KANSL1: variants seen among roughly 807,000 people sequenced by gnomAD.
KANSL1 encodes MLL1/MLL complex subunit KANSL1.
In KANSL1, 22 loss-of-function variants were observed where a neutral mutation model predicts 103.6. The ratio of observed to expected loss-of-function variants is 0.21; its 90% confidence interval spans 0.15 to 0.30. The LOEUF (loss-of-function observed/expected upper bound fraction) is 0.30. Among genes scored for constraint, KANSL1 ranks in the 10% least tolerant of loss-of-function variants. The pLI is 1.00. For missense variants in KANSL1, 1,337 were observed against 1,399.8 expected (o/e 0.96, Z 0.72); for synonymous variants, 600 against 527.6 (o/e 1.14, Z -1.88).
chr17:46,071,182 T>C (rs563049896), intron 4 of KANSL1, among the ~76,000 whole-genome samples: 9 of 152,178 alleles, frequency 5.9e-5, no homozygotes, highest in Non-Finnish European at 1.0e-4. Context: ...CAAATCAAAA[T>C]TGAAGTCAAC....
chr17:46,038,772 A>C, intron 9 of KANSL1, 86 bp from the exon 10 acceptor site: 1 of 1,533,644 alleles, frequency 6.5e-7, no homozygotes, highest in Non-Finnish European at 8.9e-7. Flanking sequence ...GCAGCAATAC[A>C]TACTAAAGGC....
chr17:46,043,870 A>G (rs768665549), intron 7 of KANSL1: 3 of 152,154 alleles, frequency 2.0e-5, no homozygotes, highest in African/African-American at 4.8e-5. Context: ...TCCTCTTTAA[A>G]CCCAGTATAA....
intron 2 of KANSL1, among the ~76,000 whole-genome samples, chr17:46,106,297 G>T (rs2042563414): frequency 6.6e-6 from 1 of 152,214 alleles, no homozygotes; most frequent in Non-Finnish European, 1.5e-5. Context: ...ACTTTAGTAA[G>T]TCTAAGAATT....
chr17:46,123,045 T>C (rs2043353358), intron 2 of KANSL1, among the ~76,000 whole-genome samples: 1 of 152,248 alleles, frequency 6.6e-6, no homozygotes, highest in Non-Finnish European at 1.5e-5. Context: ...AAATAGACAC[T>C]TGCGGATGTT....
chr17:46,043,247 G>T (rs767312358), intron 7 of KANSL1: 1 of 151,484 alleles, frequency 6.6e-6, no homozygotes, highest in African/African-American at 2.4e-5. Flanking sequence ...AAAAAACATA[G>T]ATTTTATTTT....
At chr17:46,052,571 C>T (rs1340617307) in intron 6 of KANSL1, among the ~76,000 whole-genome samples, 1 of 151,922 alleles carries the variant, frequency 6.6e-6, no homozygotes, top group African/African-American at 2.4e-5. Flanking sequence ...CACCACTGCA[C>T]TCCAGCCTGG....
rs1392343249 is a variant in KANSL1, at chr17:46,091,766, AG to A, written c.1431+2793del. Among the ~76,000 whole-genome samples the A allele has an allele frequency of 4.2e-5, 6 of 144,332 alleles. No homozygotes were observed. In the East Asian group the frequency reaches 7.7e-4, roughly 19 times the overall value. 94.7% of individuals were successfully genotyped at this position (144,332 alleles called of 152,430 possible). A position where few individuals can be genotyped will look rare whatever the true frequency, so the allele number is the denominator to read the frequency against. ...ATACCATATTGTCTAAGTGAATAGCAGGCCATACCACCTCAGCTTGTATGTA... is the reference window on the plus strand; with the variant it reads ...ATACCATATTGTCTAAGTGAATAGCAGCCATACCACCTCAGCTTGTATGTA... On this transcript the variant is annotated intron_variant, in intron 3 of 14. Coordinates refer to ENST00000432791, the MANE Select transcript of KANSL1 (RefSeq NM_015443.4).
At position 46,202,972 on chromosome 17, in the gene KANSL1, C is replaced by A. The variant is rs12600368; in HGVS notation, c.-90+20699G>T. Reference sequence around the variant, plus strand: ...TCAGGCCAGACGTGGTGGCTCACATCTCTAATACTAGCACTTTGGGAGGCC... The same window carrying A: ...TCAGGCCAGACGTGGTGGCTCACATATCTAATACTAGCACTTTGGGAGGCC... On this transcript the variant is annotated intron_variant, in intron 1 of 14. Transcript: ENST00000572904. Among the ~76,000 whole-genome samples the A allele has an allele frequency of 3.3e-5, 5 of 152,364 alleles. No homozygotes were observed. In the East Asian group the frequency reaches 7.7e-4, roughly 23 times the overall value.
At chr17:46,083,517 C>T (rs1467418939) in intron 3 of KANSL1, among the ~76,000 whole-genome samples, 1 of 152,042 alleles carries the variant, frequency 6.6e-6, no homozygotes, top group East Asian at 1.9e-4. Context: ...GGTAGTCTAC[C>T]TTTTTATGGG....
At chr17:46,220,328 T>C (rs1288274918) in intron 1 of KANSL1, among the ~76,000 whole-genome samples, 2 of 151,764 alleles carry the variant, frequency 1.3e-5, no homozygotes, top group Admixed American at 1.3e-4. Flanking sequence ...GCCATTCTCC[T>C]GCCTCAGCCT....
chr17:46,061,108 A>C (rs2078142976), intron 6 of KANSL1, among the ~76,000 whole-genome samples: 1 of 152,228 alleles, frequency 6.6e-6, no homozygotes, highest in Admixed American at 6.5e-5. Context: ...AAAAAAACCC[A>C]GCCTTTTCAA....
chr17:46,115,671 A>G (rs1218851491), intron 2 of KANSL1, among the ~76,000 whole-genome samples: 4 of 152,244 alleles, frequency 2.6e-5, no homozygotes, highest in Admixed American at 2.6e-4. Flanking sequence ...TATTTATAGG[A>G]TACTTTGACT....
At chr17:46,122,157 T>C (rs564875303) in intron 2 of KANSL1, among the ~76,000 whole-genome samples, 2 of 152,300 alleles carry the variant, frequency 1.3e-5, no homozygotes, top group East Asian at 3.9e-4. Flanking sequence ...TCTAAAAAAA[T>C]AAAGCCCCAA....
chr17:46,141,461 G>A (rs1212751374), intron 2 of KANSL1, among the ~76,000 whole-genome samples: 9 of 152,152 alleles, frequency 5.9e-5, no homozygotes, highest in Non-Finnish European at 8.8e-5. Flanking sequence ...GCTGCTTAAG[G>A]GTCTAAGACA....
chr17:46,172,114 G>C lies in KANSL1; in HGVS notation c.30C>G (p.Asp10Glu). Residue 10 changes from aspartate to glutamate, a missense_variant, in exon 2 of 15, where the codon GAC (aspartate) becomes GAG (glutamate). Physicochemically the swap from Asp to Glu is conservative, Grantham distance 45. Around this residue, in one of 2 missense-constraint regions of KANSL1, gnomAD observed 557 missense variants for 476.4 expected, o/e 1.17. Transcript: ENST00000432791. ...GGATATGGTGTGCTTCAGCTGCTGC[G>C]TCAGTGAGAGCGGGCGCCATCGCAG... is the stretch of plus-strand genomic sequence containing the variant. Reference protein sequence around the residue: MAAMAPALTDAAAEAHHIRF... With the variant: MAAMAPALTEAAAEAHHIRF... 1 of 1,609,304 alleles carries C rather than the reference G, an allele frequency of 6.2e-7. No individual in the cohort carries two copies. The highest frequency in any genetic ancestry group is 8.5e-7 in the Non-Finnish European group (1 of 1,180,022).
intron 3 of KANSL1, among the ~76,000 whole-genome samples, chr17:46,087,415 G>C (rs2079206199): frequency 6.6e-6 from 1 of 152,120 alleles, no homozygotes; most frequent in South Asian, 2.1e-4. Context: ...AAGAGGCTGA[G>C]CAAATAAAAA....
intron 1 of KANSL1, among the ~76,000 whole-genome samples, chr17:46,219,796 A>G (rs886829825): frequency 2.0e-5 from 3 of 152,220 alleles, no homozygotes; most frequent in African/African-American, 7.2e-5. Flanking sequence ...GTATCCCCTC[A>G]ACCACTGTTC....
chr17:46,176,644 T>C (rs149309919), intron 1 of KANSL1, among the ~76,000 whole-genome samples: 3 of 150,484 alleles, frequency 2.0e-5, no homozygotes, highest in South Asian at 4.2e-4. Flanking sequence ...TTAGCCAAGA[T>C]TGCACCACTG....
At chr17:46,181,895 T>G (rs76521502) in intron 1 of KANSL1, among the ~76,000 whole-genome samples, 17,092 of 150,082 alleles carry the variant, frequency 0.11, no homozygotes, top group Non-Finnish European at 0.17. Flanking sequence ...TTTTTTTTTT[T>G]GTCCCCAAAC....
Sources: gnomAD v4.1 joint callset for allele counts (sites outside exome capture counted in the v4.1 genomes callset) on GRCh38, gnomAD v4.1.1 for gene constraint, gnomAD v4.1.1 regional missense constraint, MANE v1.5 for transcripts, NCBI Gene and HGNC (gene_info 2026-07-23, HGNC 2026-07-21) for gene names.